The following COLGALT2 variants were observed in gnomAD, a reference collection of about 807,000 sequenced individuals.
COLGALT2 encodes the protein procollagen galactosyltransferase 2.
Under a neutral mutation model 73.4 loss-of-function variants are expected in COLGALT2, and 49 were observed. That is an observed-to-expected ratio of 0.67 (90% confidence interval 0.53 to 0.85). COLGALT2 has a LOEUF of 0.85. COLGALT2 is among the 40% of genes least tolerant of loss of function. COLGALT2 has a pLI of 0.00. For missense variants in COLGALT2, 722 were observed against 790.2 expected (o/e 0.91, Z 1.03); for synonymous variants, 295 against 307.6 (o/e 0.96, Z 0.43).
rs3828028 is a variant in COLGALT2, at chr1:183,937,695, C to T, written c.*1066G>A. 267,675 of 985,094 alleles carry T rather than the reference C, an allele frequency of 0.27. 36,803 individuals carry two copies. Among genetic ancestry groups the T allele is most frequent in the East Asian group, 0.48 (4,263 of 8,802 alleles). The allele number at this position is 985,094 out of a possible 1,614,324, so 61.0% of individuals were successfully genotyped here. ...CCACACCCACCACTCCCCCGGGTGC[C>T]GTGGAAGTCTGCAACATCTGTTTCT... On this transcript the variant is annotated 3_prime_UTR_variant, in exon 12 of 12. Transcript: ENST00000361927.
intron 8 of COLGALT2, chr1:183,945,832 A>G (rs1373031252): frequency 2.1e-6 from 1 of 477,080 alleles, no homozygotes; most frequent in African/African-American, 1.9e-5. Context: ...ACAAGATTTA[A>G]TAAGTACACT....
intron 1 of COLGALT2, among the ~76,000 whole-genome samples, chr1:184,022,718 A>G (rs1649214194): frequency 6.6e-6 from 1 of 152,256 alleles, no homozygotes; most frequent in East Asian, 1.9e-4. Context: ...ATACTCTATT[A>G]CAAAGAAGAG....
At chr1:184,002,310 A>T (rs1671952229) in intron 1 of COLGALT2, among the ~76,000 whole-genome samples, 1 of 152,068 alleles carries the variant, frequency 6.6e-6, no homozygotes, top group Non-Finnish European at 1.5e-5. Context: ...CCTGGGCTAG[A>T]CTCCATGCCA....
At chr1:184,015,262 G>A (rs528857715) in intron 1 of COLGALT2, among the ~76,000 whole-genome samples, 123 of 152,288 alleles carry the variant, frequency 8.1e-4, no homozygotes, top group African/African-American at 2.7e-3. Context: ...AGAGCTGAAG[G>A]TTTGTTATAG....
chr1:183,959,951 T>C (rs1558314958), intron 6 of COLGALT2, among the ~76,000 whole-genome samples: 1 of 152,172 alleles, frequency 6.6e-6, no homozygotes, highest in Non-Finnish European at 1.5e-5. Context: ...ACTTGAGACA[T>C]TCTTCACCCA....
chr1:183,947,162 A>T (rs1670274679), intron 8 of COLGALT2, among the ~76,000 whole-genome samples: 1 of 152,234 alleles, frequency 6.6e-6, no homozygotes, highest in Non-Finnish European at 1.5e-5. Context: ...AGGGGAAGAC[A>T]TCAATATCCC....
At position 183,936,870 on chromosome 1, in the gene COLGALT2, TC is replaced by T. The variant is rs1234901403; in HGVS notation, c.*1890del. 1.2e-5 allele frequency: 15 copies of T among 1,231,432 alleles called. No homozygotes were observed. Among genetic ancestry groups the T allele is most frequent in the African/African-American group, 1.6e-5 (1 of 64,308 alleles). The allele number at this position is 1,231,432 out of a possible 1,614,324, so 76.3% of individuals were successfully genotyped here. A position where few individuals can be genotyped will look rare whatever the true frequency, so the allele number is the denominator to read the frequency against. Reference sequence around the variant, plus strand: ...AGTGTAGAAGGGTACCCACAGTGAGTCGGGAAGGAAGGCCGAGGCTGGCGTC... The same window carrying T: ...AGTGTAGAAGGGTACCCACAGTGAGTGGGAAGGAAGGCCGAGGCTGGCGTC... On this transcript the variant is annotated 3_prime_UTR_variant, in exon 12 of 12. Coordinates refer to ENST00000361927, the MANE Select transcript of COLGALT2 (RefSeq NM_015101.4).
At chr1:183,984,337 G>A (rs1172910604) in intron 1 of COLGALT2, among the ~76,000 whole-genome samples, 1 of 152,196 alleles carries the variant, frequency 6.6e-6, no homozygotes, top group Non-Finnish European at 1.5e-5. Context: ...CCCGGGAGGC[G>A]GAGACTGCAG....
Position 183,944,346 on chromosome 1 carries a change from G to A in COLGALT2, c.1270-23C>T. The A allele has an allele frequency of 2.5e-6, 4 of 1,598,754 alleles. No individual in the cohort carries two copies. In the South Asian group the frequency reaches 4.6e-5, roughly 18 times the overall value. On this transcript the variant is annotated intron_variant, in intron 9 of 11. Coordinates refer to ENST00000361927, the MANE Select transcript of COLGALT2 (RefSeq NM_015101.4). ...TACCTGCAAAAGTCATCAGTAGGAA[G>A]ATACCCTATGAAAAGTTTGAAACCC... is the stretch of plus-strand genomic sequence containing the variant.
chr1:183,951,487 A>G (rs1467734396), intron 7 of COLGALT2, among the ~76,000 whole-genome samples: 2 of 152,208 alleles, frequency 1.3e-5, no homozygotes, highest in Non-Finnish European at 2.9e-5. Flanking sequence ...GAATTGATAA[A>G]CAGCTTCAGT....
chr1:184,030,104 T>C (rs1207177926), intron 1 of COLGALT2, among the ~76,000 whole-genome samples: 1 of 152,196 alleles, frequency 6.6e-6, no homozygotes, highest in African/African-American at 2.4e-5. Context: ...TACTTTCCCA[T>C]TTAAAAAAGT....
chr1:183,960,935 C>T (rs1029649620), intron 6 of COLGALT2, among the ~76,000 whole-genome samples: 3 of 152,274 alleles, frequency 2.0e-5, no homozygotes, highest in Admixed American at 1.3e-4. Flanking sequence ...TTATTTACTG[C>T]TTATTGGGTT....
intron 1 of COLGALT2, among the ~76,000 whole-genome samples, chr1:184,006,532 C>T (rs866601689): frequency 2.0e-5 from 3 of 151,580 alleles, no homozygotes; most frequent in South Asian, 2.1e-4. Context: ...TATGGTGAGC[C>T]GAGATCATGC....
intron 1 of COLGALT2, among the ~76,000 whole-genome samples, chr1:183,996,339 A>C (rs1171531036): frequency 6.6e-6 from 1 of 152,228 alleles, no homozygotes; most frequent in East Asian, 1.9e-4. Flanking sequence ...GAATCCTTAG[A>C]AGCTGGAATT....
At chr1:184,035,919 T>A (rs1649659482) in intron 1 of COLGALT2, among the ~76,000 whole-genome samples, 1 of 152,316 alleles carries the variant, frequency 6.6e-6, no homozygotes, top group Middle Eastern at 3.4e-3. Flanking sequence ...CTATATCACA[T>A]GTTTGCTTTC....
At chr1:183,934,520 C>T (rs548815117), downstream of COLGALT2, among the ~76,000 whole-genome samples, 4 of 152,346 alleles carry the variant, frequency 2.6e-5, no homozygotes, top group South Asian at 8.3e-4. Flanking sequence ...GCTGTCTACT[C>T]TTAGTTTTCA....
At chr1:183,979,322 A>G (rs1671287516) in intron 1 of COLGALT2, among the ~76,000 whole-genome samples, 1 of 152,140 alleles carries the variant, frequency 6.6e-6, no homozygotes, top group Non-Finnish European at 1.5e-5. Flanking sequence ...AAAAACAGAA[A>G]AAGAGAAGAA....
chr1:183,956,192 G>T (rs938714281), intron 6 of COLGALT2, among the ~76,000 whole-genome samples: 5 of 152,172 alleles, frequency 3.3e-5, no homozygotes, highest in Non-Finnish European at 7.3e-5. Context: ...TGTCCAAAGG[G>T]TATGATCTGT....
intron 10 of COLGALT2, among the ~76,000 whole-genome samples, chr1:183,942,416 AT>A (rs1407003647): frequency 6.6e-6 from 1 of 151,952 alleles, no homozygotes; most frequent in Non-Finnish European, 1.5e-5. Flanking sequence ...CTGTTTGGAT[AT>A]TTTTGTTAAA....
Sources: allele counts gnomAD v4.1 joint callset (sites outside exome capture counted in the v4.1 genomes callset), GRCh38; gene constraint gnomAD v4.1.1; transcripts MANE v1.5; gene names NCBI Gene and HGNC (gene_info 2026-07-23, HGNC 2026-07-21).